RPS19: variants seen among roughly 807,000 people sequenced by gnomAD.
RPS19 encodes the protein small ribosomal subunit protein eS19.
Under a neutral mutation model 20.3 loss-of-function variants are expected in RPS19, and 1 was observed. The ratio of observed to expected loss-of-function variants is 0.05; its 90% CI spans 0.02 to 0.23. RPS19 has a LOEUF of 0.23. Among genes scored for constraint, RPS19 ranks in the 10% least tolerant of loss-of-function variants. The pLI is 1.00. For synonymous variants in RPS19, 87 were observed against 74.8 expected (o/e 1.16, Z -0.84); for missense variants, 111 against 192.7 (o/e 0.58, Z 2.51).
At chr19:41,866,248 G>T in intron 3 of RPS19, among the ~76,000 whole-genome samples, 1 of 151,362 alleles carries the variant, frequency 6.6e-6, no homozygotes, top group Non-Finnish European at 1.5e-5. Context: ...GAAAGACTCC[G>T]TCTCAAAAAA....
chr19:41,869,499 C>G (rs1394320176), intron 4 of RPS19, 200 bp from the exon 5 acceptor site: 3 of 621,648 alleles, frequency 4.8e-6, no homozygotes, highest in Non-Finnish European at 8.5e-6. Context: ...TAAATGCTTG[C>G]ACAAACAACA....
Position 41,869,227 on chromosome 19 carries a change from GA to G in RPS19, c.356+14del, listed in dbSNP as rs782609455. ...AGGACCAAGATGGGTAAGCAGGGTAGAGGGGGCTGCATTGATGGAGTAGCCT... is the reference window on the plus strand; with the variant it reads ...AGGACCAAGATGGGTAAGCAGGGTAGGGGGGCTGCATTGATGGAGTAGCCT... On this transcript the variant is annotated intron_variant, in intron 4 of 5. Transcript: ENST00000598742. 17 of 1,610,308 alleles carry G rather than the reference GA, an allele frequency of 1.1e-5. No homozygotes were observed. Among genetic ancestry groups the G allele is most frequent in the South Asian group, 9.9e-5 (9 of 90,890 alleles).
At chr19:41,869,551 T>C in intron 4 of RPS19, 148 bp from the exon 5 acceptor site, 1 of 784,952 alleles carries the variant, frequency 1.3e-6, no homozygotes, top group Non-Finnish European at 2.1e-6. Context: ...TGCCCCCAGC[T>C]CGTTAGAATG....
At chr19:41,865,949 T>TAAAAAAA (rs35155067) in intron 3 of RPS19, among the ~76,000 whole-genome samples, 8 of 74,504 alleles carry the variant, frequency 1.1e-4, no homozygotes, top group Admixed American at 3.6e-4. Flanking sequence ...ACTCCGTCTT[T>TAAAAAAA]AAAAAAAAAA....
rs1006000613 is a variant in RPS19, at chr19:41,860,747, T to G, written c.1-28T>G. On this transcript the variant is annotated intron_variant, in intron 1 of 5. Transcript: ENST00000598742. ...TTGGCAGTCGTCTCTGCCAGGCCTGTGTTCACATGCTTGACTTTCTCCCTC... is the reference window on the plus strand; with the variant it reads ...TTGGCAGTCGTCTCTGCCAGGCCTGGGTTCACATGCTTGACTTTCTCCCTC... 3 of 1,572,906 alleles carry G rather than the reference T, an allele frequency of 1.9e-6. No individual in the cohort carries two copies. In the African/African-American group the frequency reaches 4.0e-5, roughly 21 times the overall value.
intron 5 of RPS19, 119 bp downstream of exon 5, chr19:41,869,872 G>A (rs1555841635): frequency 1.8e-6 from 2 of 1,094,400 alleles, no homozygotes; most frequent in Admixed American, 1.9e-5. Flanking sequence ...CAGGGTGCTG[G>A]TGGGGTCAGA....
In RPS19 at chr19:41,861,130, C is replaced by A; in HGVS notation, c.90C>A (p.Val30=). The A allele has an allele frequency of 6.2e-7, 1 of 1,614,004 alleles. No homozygotes were observed. The highest frequency in any genetic ancestry group is 8.5e-7 in the Non-Finnish European group (1 of 1,179,956). ...AFLKKSGKLK[V]PEWVDTVKLA... Reference sequence around the variant, plus strand: ...GTCTTAGGTCCGGGAAGCTGAAAGTCCCCGAATGGGTGGATACCGTCAAGC... The same window carrying A: ...GTCTTAGGTCCGGGAAGCTGAAAGTACCCGAATGGGTGGATACCGTCAAGC... The change falls in exon 3 of 6, where the codon GTC becomes GTA. Residue 30 remains valine, a synonymous_variant. Transcript: ENST00000598742.
intron 5 of RPS19, among the ~76,000 whole-genome samples, chr19:41,870,182 C>A (rs573116615): frequency 6.6e-6 from 1 of 151,652 alleles, no homozygotes; most frequent in African/African-American, 2.4e-5. Context: ...GTGGAGGCTG[C>A]GGTGAGCCAA....
At chr19:41,868,984 G>T (rs1555841268) in intron 3 of RPS19, 47 bp from the exon 4 acceptor site, 1 of 1,579,760 alleles carries the variant, frequency 6.3e-7, no homozygotes, top group South Asian at 1.1e-5. Context: ...TTGTTTACCT[G>T]AGACCTTGAT....
At chr19:41,867,034 C>G (rs1161021902) in intron 3 of RPS19, among the ~76,000 whole-genome samples, 1 of 146,308 alleles carries the variant, frequency 6.8e-6, no homozygotes, top group Non-Finnish European at 1.5e-5. Context: ...AAAAAAATAT[C>G]GGGGCCAGCA....
At chr19:41,869,857 C>T (rs2074128722) in intron 5 of RPS19, 104 bp downstream of exon 5, 2 of 1,237,310 alleles carry the variant, frequency 1.6e-6, no homozygotes, top group Non-Finnish European at 1.2e-6. Flanking sequence ...CTGGAGGGCA[C>T]AGCCCAGGGT....
At chr19:41,862,567 T>TTTGGA (rs2074043219) in intron 3 of RPS19, among the ~76,000 whole-genome samples, 1 of 152,070 alleles carries the variant, frequency 6.6e-6, no homozygotes, top group African/African-American at 2.4e-5. Context: ...CCTTTCTCAT[T>TTTGGA]TGCTGGGGTG....
chr19:41,872,202 G>A lies in RPS19; in HGVS notation c.*825G>A, dbSNP rs1440117693. On this transcript the variant is annotated 3_prime_UTR_variant, in exon 6 of 6. Coordinates refer to ENST00000598742, the MANE Select transcript of RPS19 (RefSeq NM_001022.4). ...GATTGGGCACCTGGTCAGGCTGGGA[G>A]ATCCAAATAGCACCCAGTGGGCAGC... 6.6e-6 allele frequency: 1 copy of A among 152,322 alleles called. No homozygotes were observed. Among genetic ancestry groups the A allele is most frequent in the Non-Finnish European group, 1.5e-5 (1 of 68,090 alleles). The allele number at this position is 152,322 out of a possible 1,614,324, so 9.4% of individuals were successfully genotyped here. A position where few individuals can be genotyped will look rare whatever the true frequency, so the allele number is the denominator to read the frequency against.
intron 3 of RPS19, among the ~76,000 whole-genome samples, chr19:41,868,465 T>A (rs1013765189): frequency 2.0e-5 from 3 of 152,204 alleles, no homozygotes; most frequent in Non-Finnish European, 2.9e-5. Context: ...TGCAAGCGTT[T>A]CTGGGGAGGC....
rs1385521848 is a variant in RPS19 at position 41,861,185 on chromosome 19, G to A, written c.145G>A (p.Asp49Asn). ...LAKHKELAPY[D>N]ENWFYTRAAS... ...CAAGCACAAAGAGCTTGCTCCCTACGATGAGAACTGGTTCTACACGCGAGC... is the reference window on the plus strand; with the variant it reads ...CAAGCACAAAGAGCTTGCTCCCTACAATGAGAACTGGTTCTACACGCGAGC... Residue 49 changes from aspartate (D) to asparagine (N), a missense_variant, in exon 3 of 6, where the codon GAT (aspartate) becomes AAT (asparagine). Physicochemically the swap from Asp to Asn is conservative, Grantham distance 23. Coordinates refer to ENST00000598742, the MANE Select transcript of RPS19 (RefSeq NM_001022.4). 6.2e-7 allele frequency: 1 copy of A among 1,614,092 alleles called. No homozygotes were observed. The highest frequency in any genetic ancestry group is 8.5e-7 in the Non-Finnish European group (1 of 1,179,980).
chr19:41,871,003 C>T (rs1412083847), intron 5 of RPS19, among the ~76,000 whole-genome samples: 1 of 151,810 alleles, frequency 6.6e-6, no homozygotes. Flanking sequence ...GCTGGGACTA[C>T]AGGCACACAC....
In RPS19 at chr19:41,872,861, A is replaced by G. The variant is rs1317108050; in HGVS notation, c.*1484A>G. 1 of 152,182 alleles carries G rather than the reference A, an allele frequency of 6.6e-6. No individual in the cohort carries two copies. Among genetic ancestry groups the G allele is most frequent in the East Asian group, 1.9e-4 (1 of 5,200 alleles). 9.4% of individuals were successfully genotyped at this position (152,182 alleles called of 1,614,324 possible). A position where few individuals can be genotyped will look rare whatever the true frequency, so the allele number is the denominator to read the frequency against. ...AGTGGGTTGAGATCGAGCAATTGCA[A>G]TCCAGCCTGGGCAACAGAGCGAGAC... is the stretch of plus-strand genomic sequence containing the variant. On this transcript the variant is annotated 3_prime_UTR_variant, in exon 6 of 6. Transcript: ENST00000598742.
chr19:41,861,003 C>T (rs2074024543), intron 2 of RPS19, 109 bp from the exon 3 acceptor site: 2 of 1,111,694 alleles, frequency 1.8e-6, no homozygotes, highest in Non-Finnish European at 2.7e-6. Context: ...GTTCCAGCCT[C>T]TCTTTGTACT....
chr19:41,861,517 C>T (rs1568789475), intron 3 of RPS19: 1 of 401,940 alleles, frequency 2.5e-6, no homozygotes, highest in Non-Finnish European at 4.7e-6. Context: ...AGGCAGACTC[C>T]CTGGGTTTGG....
Sources: allele counts gnomAD v4.1 joint callset (sites outside exome capture counted in the v4.1 genomes callset), GRCh38; gene constraint gnomAD v4.1.1; transcripts MANE v1.5; gene names NCBI Gene and HGNC (gene_info 2026-07-23, HGNC 2026-07-21).